DNAH3: variants seen among roughly 807,000 people sequenced by gnomAD.
The protein encoded by DNAH3 is dynein axonemal heavy chain 3, also known as axonemal beta dynein heavy chain 3.
Under a neutral mutation model 432.5 loss-of-function variants are expected in DNAH3, and 332 were observed. That is an observed-to-expected ratio of 0.77 (90% CI 0.70 to 0.84). DNAH3 has a LOEUF of 0.84. DNAH3 is among the 40% of genes least tolerant of loss of function. The probability of loss-of-function intolerance (pLI) is 0.00; values close to 1 mark genes in which losing one functional copy is unlikely to be tolerated. For missense variants in DNAH3, 4,861 were observed against 5,114.0 expected (o/e 0.95, Z 1.51); for synonymous variants, 1,956 against 1,900.2 (o/e 1.03, Z -0.76).
intron 16 of DNAH3, chr16:21,103,828 G>C (rs1230426949): frequency 6.6e-6 from 1 of 152,378 alleles, no homozygotes; most frequent in African/African-American, 2.4e-5. Flanking sequence ...GTGTGTGTGT[G>C]TGTAAAACCA....
exon 53 of DNAH3, chr16:20,963,797 G>A (rs1853598274): frequency 1.9e-6 from 3 of 1,614,002 alleles, no homozygotes; most frequent in African/African-American, 1.3e-5. Context: ...AACAGAGAAC[G>A]GCACACGTTG....
chr16:21,048,339 G>A (rs1225243426), intron 31 of DNAH3, among the ~76,000 whole-genome samples: 2 of 152,144 alleles, frequency 1.3e-5, no homozygotes, highest in African/African-American at 2.4e-5. Flanking sequence ...CTCCGTGGGC[G>A]TAGGACCCTC....
At chr16:21,059,277 TG>T (rs1240394743) in intron 26 of DNAH3, among the ~76,000 whole-genome samples, 2 of 152,232 alleles carry the variant, frequency 1.3e-5, no homozygotes, top group African/African-American at 2.4e-5. Context: ...TTGATAGATT[TG>T]ATTTGGATGA....
At chr16:21,140,477 A>C in intron 5 of DNAH3, 59 bp downstream of exon 6, 1 of 1,537,812 alleles carries the variant, frequency 6.5e-7, no homozygotes, top group East Asian at 2.3e-5. Context: ...ATTTAGAATC[A>C]CTGAGATGCC....
intron 29 of DNAH3, among the ~76,000 whole-genome samples, chr16:21,050,399 T>TA (rs2089905304): frequency 1.3e-5 from 2 of 152,216 alleles, no homozygotes; most frequent in South Asian, 2.1e-4. Context: ...TCACCAGTGC[T>TA]AATGGAATGG....
intron 1 of DNAH3, among the ~76,000 whole-genome samples, chr16:21,148,206 T>C (rs1457472870): frequency 6.6e-6 from 1 of 152,086 alleles, no homozygotes; most frequent in Non-Finnish European, 1.5e-5. Context: ...TCATTATCTC[T>C]CCCGGAGCAC....
chr16:20,982,635 AT>A (rs2085963975), intron 49 of DNAH3, 85 bp downstream of exon 49: 1 of 1,133,110 alleles, frequency 8.8e-7, no homozygotes, highest in Non-Finnish European at 1.3e-6. Flanking sequence ...AAATTGAGAA[AT>A]CTTCAAAACA....
exon 36 of DNAH3, chr16:21,034,039 T>C: frequency 6.2e-7 from 1 of 1,613,552 alleles, no homozygotes; most frequent in Non-Finnish European, 8.5e-7. Flanking sequence ...GCCCATGGGG[T>C]CTCCTACAAT....
At chr16:21,021,439 T>C (rs907699892) in intron 40 of DNAH3, among the ~76,000 whole-genome samples, 1 of 152,142 alleles carries the variant, frequency 6.6e-6, no homozygotes, top group Non-Finnish European at 1.5e-5. Flanking sequence ...GACTGAGGAA[T>C]GATGGGGTAA....
intron 11 of DNAH3, among the ~76,000 whole-genome samples, chr16:21,120,207 G>A (rs564997482): frequency 1.3e-5 from 2 of 149,710 alleles, no homozygotes; most frequent in South Asian, 4.2e-4. Flanking sequence ...GGGCTCAAGC[G>A]ATCCTCCTGC....
At chr16:21,134,517 C>T (rs1020204350) in intron 6 of DNAH3, 63 bp from the exon 8 acceptor site, 13 of 1,479,528 alleles carry the variant, frequency 8.8e-6, no homozygotes, top group Middle Eastern at 1.8e-4. Context: ...TTAGCTTCAA[C>T]TCATTTAGTT....
Position 21,051,866 on chromosome 16 carries a change from G to A in DNAH3, c.4042C>T (p.Arg1348Cys), listed in dbSNP as rs377178771. Residue 1348 changes from arginine (R) to cysteine (C), a missense_variant and splice_region_variant, in exon 29 of 62, where the codon CGC becomes TGC. By Grantham distance (180) the Arg-to-Cys change is radical. Coordinates refer to ENST00000261383, the Ensembl canonical transcript of DNAH3. ...TCAGATAACTTGGCCACCACGTCGC[G>A]GGCTGTTGGGACACAGATGCAGAAA... The A allele has an allele frequency of 3.3e-5, 54 of 1,613,972 alleles. No individual in the cohort carries two copies. The highest frequency in any genetic ancestry group is 4.5e-5 in the East Asian group (2 of 44,900).
intron 24 of DNAH3, among the ~76,000 whole-genome samples, chr16:21,065,907 ACCT>A (rs1363688699): frequency 5.9e-5 from 9 of 151,858 alleles, no homozygotes; most frequent in African/African-American, 2.2e-4. Flanking sequence ...GCTCACTGCA[ACCT>A]CCACCTCCCA....
intron 57 of DNAH3, among the ~76,000 whole-genome samples, chr16:20,948,230 G>T (rs897170350): frequency 1.3e-5 from 2 of 151,864 alleles, no homozygotes; most frequent in African/African-American, 4.8e-5. Context: ...CTTAATCATC[G>T]TTCTCTCTCC....
At chr16:21,126,720 T>C (rs981305866) in intron 8 of DNAH3, among the ~76,000 whole-genome samples, 9 of 152,190 alleles carry the variant, frequency 5.9e-5, no homozygotes, top group Non-Finnish European at 1.2e-4. Flanking sequence ...CAGCTTCATC[T>C]GTATTTACAG....
At chr16:21,067,228 C>A in intron 24 of DNAH3, 55 bp downstream of exon 24, 1 of 1,598,368 alleles carries the variant, frequency 6.3e-7, no homozygotes, top group South Asian at 1.1e-5. Context: ...AAATGTAATT[C>A]TACCTACATA....
intron 8 of DNAH3, 115 bp downstream of exon 9, chr16:21,127,572 A>C: frequency 7.9e-7 from 1 of 1,268,836 alleles, no homozygotes; most frequent in Non-Finnish European, 1.1e-6. Flanking sequence ...AAAAAAAAAA[A>C]GACACGAAAG....
intron 21 of DNAH3, among the ~76,000 whole-genome samples, chr16:21,072,232 A>ATTT (rs574623411): frequency 2.2e-5 from 2 of 90,876 alleles, no homozygotes; most frequent in Admixed American, 1.2e-4. Context: ...TTAATTAATT[A>ATTT]ATTAATTAAT....
intron 11 of DNAH3, among the ~76,000 whole-genome samples, chr16:21,119,244 T>G (rs1053166549): frequency 1.1e-4 from 16 of 152,182 alleles, no homozygotes; most frequent in Non-Finnish European, 1.9e-4. Flanking sequence ...GGAAGAAGTC[T>G]TCAAACTTAA....
Sources: gnomAD v4.1 joint callset for allele counts (sites outside exome capture counted in the v4.1 genomes callset) on GRCh38, gnomAD v4.1.1 for gene constraint, MANE v1.5 for transcripts, NCBI Gene and HGNC (gene_info 2026-07-23, HGNC 2026-07-21) for gene names.